The following ABL1 variants were observed in gnomAD, a reference collection of about 807,000 sequenced individuals.
ABL1 encodes ABL proto-oncogene 1, non-receptor tyrosine kinase, also known as tyrosine-protein kinase ABL1.
In ABL1, 11 loss-of-function variants were observed where a neutral mutation model predicts 94.7. The ratio of observed to expected loss-of-function variants is 0.12; its 90% CI spans 0.07 to 0.19. ABL1 has a LOEUF of 0.19. ABL1 is among the 10% of genes least tolerant of loss of function. The pLI, the probability that ABL1 is intolerant of heterozygous loss-of-function variation, is 1.00. For missense variants in ABL1, 1,082 were observed against 1,489.4 expected (o/e 0.73, Z 4.50); for synonymous variants, 656 against 622.4 (o/e 1.05, Z -0.80).
chr9:130,729,327 C>T (rs1831632065), intron 1 of ABL1, among the ~76,000 whole-genome samples: 1 of 152,188 alleles, frequency 6.6e-6, no homozygotes, highest in African/African-American at 2.4e-5. Flanking sequence ...AGCCATGGAC[C>T]CACAGGATGC....
rs747858489 is a variant in ABL1, at chr9:130,863,075, C to A, written c.822+40C>A. ...CCGGGGGTGCCCAGGGTACGTGGGG[C>A]AAGGCGTCTGCTGGCATTAGGCGAT... On this transcript the variant is annotated intron_variant, in intron 4 of 10. Coordinates refer to ENST00000318560, the MANE Select transcript of ABL1 (RefSeq NM_005157.6). This position sits in a 1 kb window ranked among gnomAD's most constrained non-coding sequence, Gnocchi z 4.3. 5.2e-6 allele frequency: 8 copies of A among 1,544,110 alleles called. No homozygotes were observed. In the South Asian group the frequency reaches 1.0e-4, roughly 19 times the overall value.
At position 130,887,217 on chromosome 9, in the gene ABL1, G is replaced by T. The variant is rs1412806389; in HGVS notation, c.*1534G>T. Reference sequence around the variant, plus strand: ...AGCCTCGCACAGGCCCTAGCTTTACGCTCATCACCTAAACTTGTACTTTAT... The same window carrying T: ...AGCCTCGCACAGGCCCTAGCTTTACTCTCATCACCTAAACTTGTACTTTAT... On this transcript the variant is annotated 3_prime_UTR_variant, in exon 11 of 11. Coordinates refer to ENST00000318560, the MANE Select transcript of ABL1 (RefSeq NM_005157.6). The T allele has an allele frequency of 8.6e-6, 2 of 233,146 alleles. No homozygotes were observed. Among genetic ancestry groups the T allele is most frequent in the East Asian group, 1.2e-4 (2 of 16,564 alleles). 14.4% of individuals were successfully genotyped at this position (233,146 alleles called of 1,614,324 possible).
upstream of ABL1, among the ~76,000 whole-genome samples, chr9:130,833,845 G>A (rs537589523): frequency 8.5e-5 from 13 of 152,292 alleles, no homozygotes; most frequent in South Asian, 2.3e-3. Flanking sequence ...GAAGATACCC[G>A]GGTTTTTGTC....
chr9:130,781,245 AT>A (rs1197202774), intron 1 of ABL1, among the ~76,000 whole-genome samples: 1 of 152,094 alleles, frequency 6.6e-6, no homozygotes, highest in African/African-American at 2.4e-5. Flanking sequence ...ATGTAGAATG[AT>A]TTTTTTCTTT....
In ABL1 at chr9:130,728,230, A is replaced by ATTTTTTTTTTTTTTTTTTT. The variant is rs55915035; in HGVS notation, c.136+13793_136+13794insTTTTTTTTTTTTTTTTTTT. Among the ~76,000 whole-genome samples, 14 of 102,574 alleles carry ATTTTTTTTTTTTTTTTTTT rather than the reference A, an allele frequency of 1.4e-4. 1 individual carries two copies. The highest frequency in any genetic ancestry group is 3.6e-4 in the East Asian group (1 of 2,756). The allele number at this position is 102,574 out of a possible 152,430, so 67.3% of individuals were successfully genotyped here. On this transcript the variant is annotated intron_variant, in intron 1 of 10. Coordinates refer to the ABL1 transcript ENST00000372348. ...GGGCATGCGCCACCATGTCCAGCTG[A>ATTTTTTTTTTTTTTTTTTT]TTTTTTTTTTTTTTTTTTGTGGAGA...
chr9:130,798,397 T>C (rs1830008553), intron 1 of ABL1, among the ~76,000 whole-genome samples: 2 of 152,190 alleles, frequency 1.3e-5, no homozygotes, highest in Non-Finnish European at 2.9e-5. Context: ...TTAGTGATGG[T>C]TATTAAGTAT....
intron 1 of ABL1, among the ~76,000 whole-genome samples, chr9:130,717,245 G>A (rs570943392): frequency 6.6e-6 from 1 of 152,144 alleles, no homozygotes; most frequent in South Asian, 2.1e-4. Flanking sequence ...GTTTCACCAT[G>A]TTAGCCAGGC....
intron 4 of ABL1, among the ~76,000 whole-genome samples, chr9:130,866,644 G>A (rs1831162621): frequency 6.6e-6 from 1 of 152,146 alleles, no homozygotes; most frequent in Non-Finnish European, 1.5e-5. Flanking sequence ...CTTCCAGGCA[G>A]AAGGAAGACA....
At chr9:130,822,024 G>C (rs1055180209) in intron 1 of ABL1, among the ~76,000 whole-genome samples, 4 of 152,082 alleles carry the variant, frequency 2.6e-5, no homozygotes, top group African/African-American at 9.7e-5. Context: ...ATTTTTAGTA[G>C]AGACGAGGTT....
intron 1 of ABL1, among the ~76,000 whole-genome samples, chr9:130,721,737 A>G (rs915776874): frequency 6.6e-6 from 1 of 151,982 alleles, no homozygotes; most frequent in Non-Finnish European, 1.5e-5. Flanking sequence ...AATTATACTA[A>G]GTATCTGTAT....
intron 1 of ABL1, among the ~76,000 whole-genome samples, chr9:130,743,187 C>T (rs1831841126): frequency 6.6e-6 from 1 of 152,188 alleles, no homozygotes; most frequent in African/African-American, 2.4e-5. Context: ...ATTCTCCTGC[C>T]TCAGCCTCCC....
chr9:130,773,527 T>C (rs1832277628), intron 1 of ABL1, among the ~76,000 whole-genome samples: 1 of 151,946 alleles, frequency 6.6e-6, no homozygotes, highest in South Asian at 2.1e-4. Flanking sequence ...GGTGCAATCA[T>C]GGCTCACTGA....
intron 1 of ABL1, among the ~76,000 whole-genome samples, chr9:130,828,839 C>T (rs891081993): frequency 1.3e-5 from 2 of 151,886 alleles, no homozygotes; most frequent in African/African-American, 2.4e-5. Flanking sequence ...AGTTAGGAGA[C>T]GTTAAATGTA....
intron 1 of ABL1, among the ~76,000 whole-genome samples, chr9:130,753,417 C>CT (rs1831993742): frequency 8.3e-6 from 1 of 120,976 alleles, no homozygotes. Flanking sequence ...CTTTTTTTTT[C>CT]TTTTCTTTTT....
chr9:130,741,530 T>A (rs1831818502), intron 1 of ABL1, among the ~76,000 whole-genome samples: 1 of 151,192 alleles, frequency 6.6e-6, no homozygotes, highest in Non-Finnish European at 1.5e-5. Context: ...GATATACTAG[T>A]TACCATCCCA....
intron 1 of ABL1, among the ~76,000 whole-genome samples, chr9:130,741,386 A>ACAGTTACCACACTGATATAC (rs1251408618): frequency 1.3e-5 from 2 of 151,984 alleles, no homozygotes; most frequent in African/African-American, 4.8e-5. Flanking sequence ...TGCCGGAGTA[A>ACAGTTACCACACTGATATAC]CAGTTACCAC....
At chr9:130,777,123 G>A (rs532825668) in intron 1 of ABL1, among the ~76,000 whole-genome samples, 2 of 152,222 alleles carry the variant, frequency 1.3e-5, no homozygotes, top group South Asian at 2.1e-4. Context: ...TATGAGTTAC[G>A]GTTTTTTGTA....
chr9:130,750,269 G>C (rs1012397640), intron 1 of ABL1, among the ~76,000 whole-genome samples: 23 of 143,952 alleles, frequency 1.6e-4, no homozygotes, highest in African/African-American at 4.0e-4. Flanking sequence ...AGGTGGGCTG[G>C]TAAAGGCTTT....
intron 1 of ABL1, among the ~76,000 whole-genome samples, chr9:130,721,136 T>C (rs532441711): frequency 3.9e-5 from 6 of 152,214 alleles, no homozygotes; most frequent in South Asian, 4.1e-4. Context: ...CCCAGCACTT[T>C]AGGAGGCCAA....
Sources: gnomAD v4.1 joint callset for allele counts (sites outside exome capture counted in the v4.1 genomes callset) on GRCh38, gnomAD v4.1.1 for gene constraint, Gnocchi (gnomAD v3.1) non-coding constraint, MANE v1.5 for transcripts, NCBI Gene and HGNC (gene_info 2026-07-23, HGNC 2026-07-21) for gene names.